The following CTPS2 variants were observed in gnomAD, a reference collection of about 807,000 sequenced individuals.
The protein encoded by CTPS2 is CTP synthase 2, also known as CTP synthase II.
CTPS2 carries 19 observed loss-of-function variants against 46.8 expected under a neutral mutation model. That is an observed-to-expected ratio of 0.41 (90% confidence interval 0.28 to 0.60). CTPS2 has a LOEUF of 0.60. Among genes scored for constraint, CTPS2 ranks in the 20% least tolerant of loss-of-function variants. CTPS2 has a pLI of 0.35. For missense variants in CTPS2, 286 were observed against 447.6 expected, an observed-to-expected ratio of 0.64 and a Z score of 3.26; for synonymous variants, 151 against 165.2, an observed-to-expected ratio of 0.91 and a Z score of 0.66.
chrX:16,691,488 G>A, intron 7 of CTPS2, 52 bp downstream of exon 7: 1 of 983,818 alleles, frequency 1.0e-6, no homozygotes, highest in Non-Finnish European at 1.5e-6. Flanking sequence ...ACAAAACACT[G>A]GCATCAGCAG....
At position 16,683,180 on chromosome X, in the gene CTPS2, A is replaced by AGC; in HGVS notation, c.918_919insGC (p.Tyr307AlafsTer27). ...GCGTAGCAGTCTCTGAGCTTGGTGT[A>AGC]TTTGCCAACCAGGGCTATGGAGCAT... is the stretch of plus-strand genomic sequence containing the variant. On this transcript the variant is annotated frameshift_variant, in exon 9 of 19. Coordinates refer to ENST00000359276, the MANE Select transcript of CTPS2 (RefSeq NM_175859.3). LOFTEE classifies it high-confidence loss of function. 8.3e-7 allele frequency: 1 copy of AGC among 1,210,085 alleles called. No homozygotes were observed.
chrX:16,598,911 A>G (rs1294477312), intron 17 of CTPS2, among the ~76,000 whole-genome samples: 4 of 111,996 alleles, frequency 3.6e-5, no homozygotes, highest in Non-Finnish European at 7.5e-5. Flanking sequence ...AATATACGCA[A>G]ATCAATAAAT....
chrX:16,684,954 G>A (rs1413103690), intron 8 of CTPS2, among the ~76,000 whole-genome samples: 1 of 111,429 alleles, frequency 9.0e-6, no homozygotes, highest in Middle Eastern at 4.6e-3. Context: ...AGGCTGGCAT[G>A]GTGGTGCACG....
chrX:16,624,656 C>T (rs920347088), intron 14 of CTPS2, among the ~76,000 whole-genome samples: 8 of 112,040 alleles, frequency 7.1e-5, no homozygotes, highest in Non-Finnish European at 1.9e-5. Flanking sequence ...GAGAGGTATA[C>T]ACACCACGTT....
At chrX:16,677,254 A>G (rs890774073) in intron 10 of CTPS2, among the ~76,000 whole-genome samples, 1 of 111,217 alleles carries the variant, frequency 9.0e-6, no homozygotes, top group Non-Finnish European at 1.9e-5. Context: ...ATATATTGCT[A>G]TTGTACTCTT....
intron 6 of CTPS2, among the ~76,000 whole-genome samples, chrX:16,691,999 C>T (rs1466451172): frequency 9.0e-6 from 1 of 111,639 alleles, no homozygotes; most frequent in Non-Finnish European, 1.9e-5. Flanking sequence ...AAAGCAGCTA[C>T]AGACAATATG....
At position 16,639,221 on chromosome X, in the gene CTPS2, T is replaced by C. The variant is rs1274286121; in HGVS notation, c.1319A>G (p.Asn440Ser). The C allele has an allele frequency of 1.7e-6, 2 of 1,205,022 alleles. No individual in the cohort carries two copies. Among genetic ancestry groups the C allele is most frequent in the Non-Finnish European group, 2.2e-6 (2 of 890,763 alleles). The change falls in exon 14 of 19, where the codon AAC becomes AGC. Residue 440 changes from asparagine to serine, a missense_variant. Asn to Ser is a conservative substitution (Grantham distance 46). Coordinates refer to ENST00000359276, the MANE Select transcript of CTPS2 (RefSeq NM_175859.3). ...VPLVIDMPEH[N>S]PGNLGGTMRL... ...CATTGTTCCTCCCAAATTGCCAGGG[T>C]TGTGCTCGGGCATATCAATCACCTT...
At chrX:16,598,031 T>C (rs1327502412) in intron 17 of CTPS2, among the ~76,000 whole-genome samples, 1 of 109,148 alleles carries the variant, frequency 9.2e-6, no homozygotes, top group Non-Finnish European at 1.9e-5. Context: ...TTGTGATTTT[T>C]GTACATTGAT....
chrX:16,652,845 A>G (rs1932709693), intron 13 of CTPS2, among the ~76,000 whole-genome samples: 1 of 111,818 alleles, frequency 8.9e-6, no homozygotes, highest in Admixed American at 9.6e-5. Context: ...ATCACCATGC[A>G]TGGTTTAGAA....
chrX:16,657,582 G>A (rs1321689905), intron 13 of CTPS2, among the ~76,000 whole-genome samples: 2 of 111,482 alleles, frequency 1.8e-5, no homozygotes, highest in Admixed American at 1.9e-4. Flanking sequence ...TGGGCAGATG[G>A]GGGGGCAGGA....
intron 14 of CTPS2, 98 bp from the exon 15 acceptor site, chrX:16,620,430 C>T: frequency 1.7e-6 from 1 of 577,718 alleles, no homozygotes; most frequent in Non-Finnish European, 2.8e-6. Flanking sequence ...CACTATCTAT[C>T]TATCAGAGGA....
At chrX:16,605,449 C>T (rs369981913) in intron 17 of CTPS2, among the ~76,000 whole-genome samples, 19 of 111,809 alleles carry the variant, frequency 1.7e-4, no homozygotes, top group African/African-American at 4.9e-4. Flanking sequence ...AGGCCGGTCG[C>T]GGTGGCTCAC....
At chrX:16,674,837 C>CA (rs35273579) in intron 10 of CTPS2, among the ~76,000 whole-genome samples, 4,600 of 53,108 alleles carry the variant, frequency 0.087, 321 homozygotes, top group African/African-American at 0.26. Context: ...GACTCCGTCT[C>CA]AAAAAAAAAA....
chrX:16,704,217 C>T (rs750112657), intron 1 of CTPS2, among the ~76,000 whole-genome samples: 2 of 111,740 alleles, frequency 1.8e-5, no homozygotes, highest in South Asian at 3.7e-4. Flanking sequence ...GGATCACAGG[C>T]GTGAGCTACC....
At position 16,670,630 on chromosome X, in the gene CTPS2, C is replaced by T; in HGVS notation, c.1139G>A (p.Gly380Glu). 1 of 1,207,284 alleles carries T rather than the reference C, an allele frequency of 8.3e-7. No individual in the cohort carries two copies. Among genetic ancestry groups the T allele is most frequent in the Non-Finnish European group, 1.1e-6 (1 of 892,925 alleles). ...PGGFGIRGTL[G>E]KLQAISWART... ...TGCCCAAGAAATCGCCTGGAGTTTTCCCAATGTTCCTCTGATTCCAAAGCC... is the reference window on the plus strand; with the variant it reads ...TGCCCAAGAAATCGCCTGGAGTTTTTCCAATGTTCCTCTGATTCCAAAGCC... The change falls in exon 11 of 19, where the codon GGA becomes GAA. Residue 380 changes from glycine (G) to glutamate (E), a missense_variant. Transcript: ENST00000359276.
chrX:16,709,792 T>C (rs1403389974), intron 1 of CTPS2, among the ~76,000 whole-genome samples: 1 of 86,452 alleles, frequency 1.2e-5, no homozygotes, highest in East Asian at 4.0e-4. Context: ...AAGGTTGCAA[T>C]GAGCCAAGAT....
chrX:16,691,340 G>C (rs1374881455), intron 7 of CTPS2, among the ~76,000 whole-genome samples, 200 bp downstream of exon 7: 1 of 111,485 alleles, frequency 9.0e-6, no homozygotes, highest in African/African-American at 3.3e-5. Context: ...GCCCACCCTG[G>C]TTTTGTGACA....
At chrX:16,681,956 C>T (rs1225713192) in intron 9 of CTPS2, among the ~76,000 whole-genome samples, 1 of 112,194 alleles carries the variant, frequency 8.9e-6, no homozygotes, top group African/African-American at 3.2e-5. Context: ...TTCCACAATA[C>T]TGAGTTTCCA....
chrX:16,648,298 CA>C (rs992972363), intron 13 of CTPS2, among the ~76,000 whole-genome samples: 11 of 111,243 alleles, frequency 9.9e-5, no homozygotes, highest in African/African-American at 2.9e-4. Context: ...CTGAGGTGCT[CA>C]GGGGGGAAGC....
Sources: allele counts gnomAD v4.1 joint callset (sites outside exome capture counted in the v4.1 genomes callset), GRCh38; gene constraint gnomAD v4.1.1; transcripts MANE v1.5; gene names NCBI Gene and HGNC (gene_info 2026-07-23, HGNC 2026-07-21).